The following EYS variants were observed in gnomAD, a reference collection of about 807,000 sequenced individuals.
EYS encodes the protein protein eyes shut homolog.
In EYS, 250 loss-of-function variants were observed where a neutral mutation model predicts 282.1. That is an observed-to-expected ratio of 0.89 (90% CI 0.80 to 0.98). The LOEUF is 0.98. EYS is among the 50% of genes least tolerant of loss of function. The pLI is 0.00. For synonymous variants in EYS, 1,355 were observed against 1,282.9 expected (o/e 1.06, Z -1.20); for missense variants, 4,016 against 3,709.0 (o/e 1.08, Z -2.15).
intron 2 of EYS, among the ~76,000 whole-genome samples, chr6:65,554,506 T>C (rs911291255): frequency 3.9e-5 from 6 of 152,180 alleles, no homozygotes; most frequent in African/African-American, 1.4e-4. Flanking sequence ...ATGCTTTTCC[T>C]ATATGTTCAC....
chr6:63,802,338 C>CGG, intron 37 of EYS, among the ~76,000 whole-genome samples: 1 of 151,984 alleles, frequency 6.6e-6, no homozygotes, highest in Non-Finnish European at 1.5e-5. Context: ...AGGACAAATA[C>CGG]CTAATGCATG....
chr6:65,630,470 T>C (rs1766872185), intron 2 of EYS, among the ~76,000 whole-genome samples: 3 of 152,316 alleles, frequency 2.0e-5, no homozygotes, highest in Admixed American at 2.0e-4. Flanking sequence ...CCAAACTTAG[T>C]AGAACTTACA....
At chr6:65,230,415 A>G (rs1766738769) in intron 12 of EYS, among the ~76,000 whole-genome samples, 1 of 151,938 alleles carries the variant, frequency 6.6e-6, no homozygotes, top group Non-Finnish European at 1.5e-5. Context: ...CATGTATAAT[A>G]CAATTATTCA....
At chr6:65,416,471 T>C (rs1402476061) in intron 5 of EYS, among the ~76,000 whole-genome samples, 1 of 151,948 alleles carries the variant, frequency 6.6e-6, no homozygotes, top group East Asian at 1.9e-4. Flanking sequence ...AAGTAAAATA[T>C]TTAAGCAGCA....
intron 14 of EYS, among the ~76,000 whole-genome samples, chr6:64,968,044 T>C (rs1235148402): frequency 6.6e-6 from 1 of 152,150 alleles, no homozygotes; most frequent in African/African-American, 2.4e-5. Context: ...CAGAGGCAAG[T>C]GAAATGAACT....
At chr6:63,856,027 T>TC (rs1030253058) in intron 36 of EYS, among the ~76,000 whole-genome samples, 2 of 151,720 alleles carry the variant, frequency 1.3e-5, no homozygotes, top group Admixed American at 1.3e-4. Context: ...TTTTTTTTTT[T>TC]TTTTTTATGT....
At chr6:63,929,039 A>G (rs1206495530) in intron 35 of EYS, among the ~76,000 whole-genome samples, 4 of 152,228 alleles carry the variant, frequency 2.6e-5, no homozygotes, top group Admixed American at 2.6e-4. Flanking sequence ...TCCAGTTTCT[A>G]TTGAGTCCTG....
intron 30 of EYS, among the ~76,000 whole-genome samples, chr6:64,239,346 T>C (rs1766716667): frequency 6.6e-6 from 1 of 152,336 alleles, no homozygotes; most frequent in South Asian, 2.1e-4. Context: ...TCCACAATGG[T>C]TGAACTAATT....
chr6:64,367,873 T>C (rs1331415096), intron 29 of EYS, among the ~76,000 whole-genome samples: 4 of 152,096 alleles, frequency 2.6e-5, no homozygotes, highest in Admixed American at 6.6e-5. Flanking sequence ...CTGTGCAAAC[T>C]TTGACCAACT....
chr6:63,892,046 A>G (rs10806333), intron 35 of EYS, among the ~76,000 whole-genome samples: 55,100 of 152,052 alleles, frequency 0.36, 10,415 homozygotes, highest in South Asian at 0.47. Flanking sequence ...TTCTTCAAGG[A>G]GAACTACAAA....
chr6:64,656,441 G>C (rs1425841005), intron 22 of EYS, among the ~76,000 whole-genome samples: 1 of 152,130 alleles, frequency 6.6e-6, no homozygotes. Context: ...TCCAAGACAG[G>C]AATACCTTAG....
chr6:64,606,297 T>C lies in EYS; in HGVS notation c.3684+11121A>G, dbSNP rs1562088590. Among the ~76,000 whole-genome samples, 5 of 152,024 alleles carry C rather than the reference T, an allele frequency of 3.3e-5. No individual in the cohort carries two copies. The South Asian group carries it at 8.3e-4, about 25-fold the overall frequency. Reference sequence around the variant, plus strand: ...TTCCTACCTGTTCTCCCTAGAACAATGTCTCCTTGTATTCAAGAAGACTTG... The same window carrying C: ...TTCCTACCTGTTCTCCCTAGAACAACGTCTCCTTGTATTCAAGAAGACTTG... On this transcript the variant is annotated intron_variant, in intron 24 of 42. Coordinates refer to ENST00000503581, the MANE Select transcript of EYS (RefSeq NM_001142800.2).
chr6:65,654,978 TAAAAAAA>T (rs36088825), intron 1 of EYS, among the ~76,000 whole-genome samples: 3 of 99,900 alleles, frequency 3.0e-5, no homozygotes, highest in African/African-American at 3.9e-5. Context: ...GGTCATTCAT[TAAAAAAA>T]AAAAAAAAAA....
intron 22 of EYS, among the ~76,000 whole-genome samples, chr6:64,803,620 C>T (rs1562200327): frequency 6.6e-6 from 1 of 152,170 alleles, no homozygotes; most frequent in Non-Finnish European, 1.5e-5. Context: ...CCAAGGCGCT[C>T]AGGCTGTTCT....
intron 29 of EYS, among the ~76,000 whole-genome samples, chr6:64,336,897 A>T (rs1327328514): frequency 9.2e-5 from 14 of 152,136 alleles, no homozygotes. Flanking sequence ...AACGAAGACA[A>T]GATGGAAATT....
intron 29 of EYS, among the ~76,000 whole-genome samples, chr6:64,328,885 A>T (rs986449426): frequency 6.6e-6 from 1 of 152,176 alleles, no homozygotes; most frequent in Non-Finnish European, 1.5e-5. Flanking sequence ...TAGGCCTGAG[A>T]GAGATCAATG....
chr6:65,232,560 T>G (rs186250858), intron 12 of EYS, among the ~76,000 whole-genome samples: 5 of 152,220 alleles, frequency 3.3e-5, no homozygotes, highest in African/African-American at 1.2e-4. Flanking sequence ...TTACAAAGAT[T>G]GCACCGAGTT....
chr6:64,368,676 T>C (rs1772255059), intron 29 of EYS, among the ~76,000 whole-genome samples: 1 of 152,212 alleles, frequency 6.6e-6, no homozygotes, highest in South Asian at 2.1e-4. Context: ...TTGAGCATTT[T>C]TCATATGTTT....
At chr6:63,763,241 G>A (rs1411409794) in intron 40 of EYS, among the ~76,000 whole-genome samples, 1 of 152,052 alleles carries the variant, frequency 6.6e-6, no homozygotes, top group Non-Finnish European at 1.5e-5. Flanking sequence ...TAGAGCAGAA[G>A]CTGAGGGGTA....
Sources: allele counts gnomAD v4.1 joint callset (sites outside exome capture counted in the v4.1 genomes callset), GRCh38; gene constraint gnomAD v4.1.1; transcripts MANE v1.5; gene names NCBI Gene and HGNC (gene_info 2026-07-23, HGNC 2026-07-21).